CADM2: variants seen among roughly 807,000 people sequenced by gnomAD.
CADM2 encodes immunoglobulin superfamily member 4D.
A neutral mutation model predicts 49.8 loss-of-function variants in CADM2; 12 were observed. That is an observed-to-expected ratio of 0.24 (90% confidence interval 0.15 to 0.39). The LOEUF (loss-of-function observed/expected upper bound fraction) is 0.39, where lower values mean the gene tolerates loss of function less well. Ranked by LOEUF, CADM2 falls within the 10% of genes least tolerant of loss-of-function variation. CADM2 has a pLI of 1.00. For missense variants in CADM2, 378 were observed against 492.3 expected, an observed-to-expected ratio of 0.77 and a Z score of 2.20; for synonymous variants, 214 against 175.4, an observed-to-expected ratio of 1.22 and a Z score of -1.74.
intron 1 of CADM2, among the ~76,000 whole-genome samples, chr3:85,684,992 G>A (rs934035906): frequency 2.6e-5 from 4 of 152,124 alleles, no homozygotes; most frequent in South Asian, 2.1e-4. Flanking sequence ...GGCCGGGCGC[G>A]GTAGCTCTCG....
At chr3:85,700,633 A>G (rs2066725464) in intron 1 of CADM2, among the ~76,000 whole-genome samples, 1 of 152,162 alleles carries the variant, frequency 6.6e-6, no homozygotes, top group Non-Finnish European at 1.5e-5. Context: ...ATTACTCTCA[A>G]GTTTAAAGTT....
At chr3:84,972,336 A>T (rs528447877) in intron 1 of CADM2, among the ~76,000 whole-genome samples, 14 of 152,382 alleles carry the variant, frequency 9.2e-5, no homozygotes, top group Non-Finnish European at 1.6e-4. Flanking sequence ...CTCTTAAAAT[A>T]GCATTTCCTA....
At chr3:85,668,114 G>A (rs2065625502) in intron 1 of CADM2, among the ~76,000 whole-genome samples, 1 of 151,604 alleles carries the variant, frequency 6.6e-6, no homozygotes, top group Non-Finnish European at 1.5e-5. Context: ...GAAATTTTAA[G>A]AATCTTAGAA....
chr3:85,966,449 T>A (rs773782810), intron 8 of CADM2, among the ~76,000 whole-genome samples: 3 of 151,760 alleles, frequency 2.0e-5, no homozygotes, highest in Non-Finnish European at 4.4e-5. Flanking sequence ...CTTATTCCCT[T>A]ACTTCATTAT....
chr3:85,745,507 A>G (rs1359021067), intron 2 of CADM2, among the ~76,000 whole-genome samples: 1 of 152,070 alleles, frequency 6.6e-6, no homozygotes, highest in Non-Finnish European at 1.5e-5. Context: ...AGAGATTAAC[A>G]AGGAAGGAGT....
chr3:84,975,286 G>A (rs182117228), intron 1 of CADM2, among the ~76,000 whole-genome samples: 3 of 151,712 alleles, frequency 2.0e-5, no homozygotes, highest in Non-Finnish European at 4.4e-5. Context: ...TAGTACACTG[G>A]TATCTCTGTG....
At position 85,452,017 on chromosome 3, in the gene CADM2, G is replaced by C. The variant is rs1262329297; in HGVS notation, c.62-274505G>C. Among the ~76,000 whole-genome samples the C allele has an allele frequency of 5.9e-5, 9 of 152,208 alleles. No homozygotes were observed. The East Asian group carries it at 1.7e-3, about 29-fold the overall frequency. ...CTTTGGCTTTAAATTAGAGAGCAAT[G>C]CTTCCTCACATTCCAGCCTGAAATC... On this transcript the variant is annotated intron_variant, in intron 1 of 9. Transcript: ENST00000383699.
rs79875208 is a variant in CADM2, at chr3:85,474,884, A to G, written c.62-251638A>G. 9.4e-3 allele frequency among the ~76,000 whole-genome samples: 1,429 copies of G among 152,008 alleles called. 22 individuals carry two copies. The highest frequency in any genetic ancestry group is 0.031 in the African/African-American group (1,272 of 41,498). On this transcript the variant is annotated intron_variant, in intron 1 of 9. Coordinates refer to ENST00000383699, the MANE Select transcript of CADM2 (RefSeq NM_001167675.2). ...ATGGTCACCTCCTTCCTGGTCAATAAAGGTGCTCCATGTGTTGATAGTCTT... is the reference window on the plus strand; with the variant it reads ...ATGGTCACCTCCTTCCTGGTCAATAGAGGTGCTCCATGTGTTGATAGTCTT...
intron 2 of CADM2, among the ~76,000 whole-genome samples, chr3:85,797,029 G>A (rs1285676224): frequency 6.6e-6 from 1 of 151,258 alleles, no homozygotes; most frequent in Non-Finnish European, 1.5e-5. Context: ...AGGAGGCGGA[G>A]GTTGCAGTGA....
chr3:85,770,056 T>G (rs548568563), intron 2 of CADM2, among the ~76,000 whole-genome samples: 1 of 152,246 alleles, frequency 6.6e-6, no homozygotes, highest in South Asian at 2.1e-4. Flanking sequence ...AGCACTGGAT[T>G]GGGAAACAGA....
intron 1 of CADM2, among the ~76,000 whole-genome samples, chr3:85,277,189 C>A (rs903083565): frequency 6.6e-6 from 1 of 151,220 alleles, no homozygotes; most frequent in Non-Finnish European, 1.5e-5. Context: ...CTGGAGTAAT[C>A]TTTTATCTGC....
At chr3:85,220,156 A>C (rs2107790022) in intron 1 of CADM2, among the ~76,000 whole-genome samples, 1 of 152,178 alleles carries the variant, frequency 6.6e-6, no homozygotes, top group East Asian at 1.9e-4. Context: ...TTCCAACAAA[A>C]TACTAGATTT....
chr3:85,734,395 G>A (rs764276182), intron 2 of CADM2, among the ~76,000 whole-genome samples: 1 of 151,850 alleles, frequency 6.6e-6, no homozygotes, highest in Non-Finnish European at 1.5e-5. Flanking sequence ...CACTCTCAAT[G>A]CAGGGAGACT....
intron 8 of CADM2, among the ~76,000 whole-genome samples, chr3:86,050,850 G>A (rs1437308353): frequency 2.0e-5 from 3 of 152,170 alleles, no homozygotes; most frequent in Non-Finnish European, 4.4e-5. Flanking sequence ...GACCTAGGAG[G>A]ACAGAACGAA....
At chr3:86,042,117 G>A (rs1224965931) in intron 8 of CADM2, among the ~76,000 whole-genome samples, 1 of 152,148 alleles carries the variant, frequency 6.6e-6, no homozygotes, top group Non-Finnish European at 1.5e-5. Flanking sequence ...ATGCCCACAG[G>A]AGAAAGCAGG....
At position 85,283,540 on chromosome 3, in the gene CADM2, T is replaced by C. The variant is rs186080209; in HGVS notation, c.61+323872T>C. On this transcript the variant is annotated intron_variant, in intron 1 of 9. Coordinates refer to ENST00000383699, the MANE Select transcript of CADM2 (RefSeq NM_001167675.2). ...AATATTTATTTTATACTAAATGGGC[T>C]GGTGTTCTGTATTTGATACTTTGTA... 4.6e-5 allele frequency among the ~76,000 whole-genome samples: 7 copies of C among 152,220 alleles called. No individual in the cohort carries two copies. In the East Asian group the frequency reaches 9.6e-4, roughly 21 times the overall value.
At chr3:85,605,467 G>T (rs2063517008) in intron 1 of CADM2, among the ~76,000 whole-genome samples, 1 of 151,994 alleles carries the variant, frequency 6.6e-6, no homozygotes, top group South Asian at 2.1e-4. Context: ...GGATTTTAGG[G>T]CTCGTATGGT....
chr3:85,249,575 T>C (rs1267902834), intron 1 of CADM2, among the ~76,000 whole-genome samples: 1 of 151,994 alleles, frequency 6.6e-6, no homozygotes, highest in Non-Finnish European at 1.5e-5. Flanking sequence ...ATATCTTAAA[T>C]CAATATTATT....
intron 1 of CADM2, among the ~76,000 whole-genome samples, chr3:84,998,815 C>G (rs901328908): frequency 6.6e-6 from 1 of 152,176 alleles, no homozygotes; most frequent in Non-Finnish European, 1.5e-5. Flanking sequence ...CAATAAATAA[C>G]CACCTGGTTA....
Sources: allele counts gnomAD v4.1 joint callset (sites outside exome capture counted in the v4.1 genomes callset), GRCh38; gene constraint gnomAD v4.1.1; transcripts MANE v1.5; gene names NCBI Gene and HGNC (gene_info 2026-07-23, HGNC 2026-07-21).